The following CUEDC1 variants were observed in gnomAD, a reference collection of about 807,000 sequenced individuals.
CUEDC1 encodes the protein CUE domain containing 1.
CUEDC1 carries 30 observed loss-of-function variants against 43.7 expected under a neutral mutation model. The observed-to-expected ratio is 0.69, with a 90% confidence interval of 0.51 to 0.93. The LOEUF is 0.93. Among genes scored for constraint, CUEDC1 ranks in the 40% least tolerant of loss-of-function variants. CUEDC1 has a pLI of 0.00. For missense variants in CUEDC1, 486 were observed against 549.0 expected (o/e 0.89, Z 1.15); for synonymous variants, 223 against 223.6 (o/e 1.00, Z 0.02).
intron 3 of CUEDC1, among the ~76,000 whole-genome samples, chr17:57,877,102 C>T (rs560736772): frequency 2.6e-5 from 4 of 152,218 alleles, no homozygotes; most frequent in Non-Finnish European, 5.9e-5. Context: ...CTCCTCAGGG[C>T]ATCCACTCCC....
chr17:57,868,978 G>A (rs901461397), intron 7 of CUEDC1, 144 bp downstream of exon 7: 1 of 776,286 alleles, frequency 1.3e-6, no homozygotes, highest in Non-Finnish European at 2.1e-6. Context: ...GGAAGGCTGA[G>A]GGAGCCAGCC....
chr17:57,944,562 A>C (rs2074944906), intron 1 of CUEDC1, among the ~76,000 whole-genome samples: 1 of 152,236 alleles, frequency 6.6e-6, no homozygotes, highest in South Asian at 2.1e-4. Flanking sequence ...GATTATTCTT[A>C]CCAGCTCTAT....
intron 1 of CUEDC1, among the ~76,000 whole-genome samples, chr17:57,912,075 G>A (rs191275599): frequency 6.6e-6 from 1 of 152,192 alleles, no homozygotes; most frequent in South Asian, 2.1e-4. Context: ...AATGGCAGAA[G>A]CCTACAGAAG....
rs960065069 is a variant in CUEDC1, at chr17:57,886,862, A to G, written c.-315-983T>C. 9.6e-5 allele frequency among the ~76,000 whole-genome samples: 12 copies of G among 125,514 alleles called. No individual in the cohort carries two copies. The Admixed American group carries it at 9.9e-4, about 10-fold the overall frequency. 82.3% of individuals were successfully genotyped at this position (125,514 alleles called of 152,430 possible). On this transcript the variant is annotated intron_variant, in intron 1 of 10. Coordinates refer to ENST00000577830, the MANE Select transcript of CUEDC1 (RefSeq NM_001271875.2). ...GAGACGGAGTCTCGCTCTGTCACCC[A>G]GGCTGGAGTGCAGCGGCACGATCTC...
intron 2 of CUEDC1, among the ~76,000 whole-genome samples, chr17:57,882,892 G>A (rs1220804333): frequency 6.6e-6 from 1 of 152,146 alleles, no homozygotes; most frequent in African/African-American, 2.4e-5. Flanking sequence ...CTTGAGTTAA[G>A]GCTTGAGGTC....
chr17:57,900,477 C>A (rs2074459626), intron 1 of CUEDC1, among the ~76,000 whole-genome samples: 1 of 152,142 alleles, frequency 6.6e-6, no homozygotes, highest in Non-Finnish European at 1.5e-5. Context: ...AGCAGAAGTC[C>A]ATTATGTAAA....
intron 1 of CUEDC1, among the ~76,000 whole-genome samples, chr17:57,886,289 A>T (rs1333917424): frequency 3.3e-5 from 5 of 152,026 alleles, no homozygotes; most frequent in Non-Finnish European, 7.4e-5. Flanking sequence ...ACTGCCAAAG[A>T]CCCCTGAAGA....
At chr17:57,893,365 G>GTGTGTGTGTGTGTGTGTGTGTGTA (rs1351791982) in intron 1 of CUEDC1, among the ~76,000 whole-genome samples, 1 of 152,010 alleles carries the variant, frequency 6.6e-6, no homozygotes, top group Non-Finnish European at 1.5e-5. Context: ...GTGTGTGTGT[G>GTGTGTGTGTGTGTGTGTGTGTGTA]TGTGTGTGTT....
intron 1 of CUEDC1, among the ~76,000 whole-genome samples, chr17:57,914,153 G>T (rs1279924945): frequency 1.3e-5 from 2 of 152,194 alleles, no homozygotes; most frequent in Non-Finnish European, 2.9e-5. Flanking sequence ...CATAGAGCAG[G>T]CAAGGAATAT....
chr17:57,941,017 C>T (rs1598024629), intron 1 of CUEDC1, among the ~76,000 whole-genome samples: 1 of 152,256 alleles, frequency 6.6e-6, no homozygotes, highest in African/African-American at 2.4e-5. Flanking sequence ...GCTTTCACAC[C>T]CAAGGCTCTA....
At chr17:57,907,282 G>A (rs190898464) in intron 1 of CUEDC1, among the ~76,000 whole-genome samples, 1 of 152,328 alleles carries the variant, frequency 6.6e-6, no homozygotes, top group Admixed American at 6.5e-5. Flanking sequence ...AGGCTAGTGT[G>A]CTGGAAAACG....
intron 1 of CUEDC1, among the ~76,000 whole-genome samples, chr17:57,892,155 C>T (rs2144983578): frequency 1.3e-5 from 2 of 152,276 alleles, no homozygotes; most frequent in Middle Eastern, 6.8e-3. Flanking sequence ...AGCCCTCTCT[C>T]CCCTACACAC....
intron 1 of CUEDC1, among the ~76,000 whole-genome samples, chr17:57,929,959 G>A (rs1285328501): frequency 1.3e-5 from 2 of 152,058 alleles, no homozygotes; most frequent in African/African-American, 2.4e-5. Context: ...GCACCACCAC[G>A]CCCAGCAAAT....
chr17:57,931,072 C>T (rs1043005284), intron 1 of CUEDC1, among the ~76,000 whole-genome samples: 7 of 152,050 alleles, frequency 4.6e-5, no homozygotes, highest in Admixed American at 6.6e-5. Flanking sequence ...GCAGATTACT[C>T]GAGCTCAGGA....
intron 1 of CUEDC1, among the ~76,000 whole-genome samples, chr17:57,917,113 G>A (rs901384870): frequency 3.3e-5 from 5 of 152,204 alleles, no homozygotes; most frequent in Non-Finnish European, 5.9e-5. Context: ...AAGAATGGGC[G>A]GCAACAGGTG....
rs1337674769 is a variant in CUEDC1, at chr17:57,930,840, A to G, written c.-316+24385T>C. 6.6e-6 allele frequency among the ~76,000 whole-genome samples: 1 copy of G among 152,168 alleles called. No individual in the cohort carries two copies. The highest frequency in any genetic ancestry group is 6.5e-5 in the Admixed American group (1 of 15,278). On this transcript the variant is annotated intron_variant, in intron 1 of 10. Coordinates refer to ENST00000577830, the MANE Select transcript of CUEDC1 (RefSeq NM_001271875.2). The surrounding 1 kb of genome is among the most constrained non-coding windows in gnomAD (Gnocchi z 4.2). ...AAGAGCCACAAACAGTCCAACTCCAAAGGGGAAATGGTCCCCATTTCCTGC... is the reference window on the plus strand; with the variant it reads ...AAGAGCCACAAACAGTCCAACTCCAGAGGGGAAATGGTCCCCATTTCCTGC...
rs2073990580 is a variant in CUEDC1 at position 57,868,399 on chromosome 17, A to C, written c.941-156T>G. On this transcript the variant is annotated intron_variant, in intron 7 of 10. Coordinates refer to ENST00000577830, the MANE Select transcript of CUEDC1 (RefSeq NM_001271875.2). Reference sequence around the variant, plus strand: ...GAGCTGAGGAGGGAGAGATGACAGGAATCGCAGACCCCTGAGGACGCCACC... The same window carrying C: ...GAGCTGAGGAGGGAGAGATGACAGGCATCGCAGACCCCTGAGGACGCCACC... 5 of 662,608 alleles carry C rather than the reference A, an allele frequency of 7.5e-6. No individual in the cohort carries two copies. The Admixed American group carries it at 1.2e-4, about 16-fold the overall frequency. 41.0% of individuals were successfully genotyped at this position (662,608 alleles called of 1,614,324 possible).
chr17:57,934,794 A>G (rs914721137), intron 1 of CUEDC1, among the ~76,000 whole-genome samples: 7 of 151,956 alleles, frequency 4.6e-5, no homozygotes, highest in Non-Finnish European at 1.0e-4. Flanking sequence ...TGCAGCCTCT[A>G]CCTCCCAGAT....
chr17:57,885,016 T>C (rs1478053919), intron 2 of CUEDC1, among the ~76,000 whole-genome samples: 1 of 152,258 alleles, frequency 6.6e-6, no homozygotes, highest in African/African-American at 2.4e-5. Flanking sequence ...GTTGAATGAC[T>C]GCATGATTTC....
Sources: allele counts gnomAD v4.1 joint callset (sites outside exome capture counted in the v4.1 genomes callset), GRCh38; gene constraint gnomAD v4.1.1; non-coding constraint Gnocchi (gnomAD v3.1); transcripts MANE v1.5; gene names NCBI Gene and HGNC (gene_info 2026-07-23, HGNC 2026-07-21).